CERS1: variants seen among roughly 807,000 people sequenced by gnomAD.
The protein encoded by CERS1 is Embryonic growth/differentiation factor 1.
Under a neutral mutation model 35.7 loss-of-function variants are expected in CERS1, and 16 were observed. The observed-to-expected ratio is 0.45, with a 90% CI of 0.30 to 0.68. The LOEUF (loss-of-function observed/expected upper bound fraction) is 0.68, where lower values mean the gene tolerates loss of function less well. Ranked by LOEUF, CERS1 falls within the 30% of genes least tolerant of loss-of-function variation. The probability of loss-of-function intolerance (pLI) is 0.08; values close to 1 mark genes in which losing one functional copy is unlikely to be tolerated. For synonymous variants in CERS1, 243 were observed against 201.6 expected (o/e 1.21, Z -1.74); for missense variants, 454 against 453.9 (o/e 1.00, Z 0.00).
chr19:18,880,240 C>T, intron 4 of CERS1, 34 bp downstream of exon 4: 1 of 1,521,818 alleles, frequency 6.6e-7, no homozygotes, highest in South Asian at 1.2e-5. Context: ...CCAGGCCACA[C>T]CTCCCTCCCT....
At position 18,870,276 on chromosome 19, in the gene CERS1, T is replaced by A. The variant is rs1310675843; in HGVS notation, c.*301A>T. 41 of 1,547,780 alleles carry A rather than the reference T, an allele frequency of 2.6e-5. No homozygotes were observed. Among genetic ancestry groups the A allele is most frequent in the Non-Finnish European group, 3.5e-5 (40 of 1,148,644 alleles). Reference sequence around the variant, plus strand: ...CAGGGCCAGGAGGAGGAGGAGGTGGTGGCCGCAGGGACCTTGCTGCGGCGG... The same window carrying A: ...CAGGGCCAGGAGGAGGAGGAGGTGGAGGCCGCAGGGACCTTGCTGCGGCGG... On this transcript the variant is annotated 3_prime_UTR_variant, in exon 7 of 8. Transcript: ENST00000623882. This position sits in a 1 kb window ranked among gnomAD's most constrained non-coding sequence, Gnocchi z 5.1.
chr19:18,879,047 AG>A lies in CERS1; in HGVS notation c.901-9del. On this transcript the variant is annotated splice_polypyrimidine_tract_variant and intron_variant, in intron 5 of 7. Transcript: ENST00000623882. ...TGCAAACGCCACGATGTACTGCGAGAGGGGAGGGGAGGTGCCAGTGAGAAGA... is the reference window on the plus strand; with the variant it reads ...TGCAAACGCCACGATGTACTGCGAGAGGGAGGGGAGGTGCCAGTGAGAAGA... 1 of 1,612,634 alleles carries A rather than the reference AG, an allele frequency of 6.2e-7. No homozygotes were observed. Among genetic ancestry groups the A allele is most frequent in the Non-Finnish European group, 8.5e-7 (1 of 1,179,632 alleles).
chr19:18,879,427 G>T (rs2056139134), intron 4 of CERS1, 39 bp from the exon 5 acceptor site: 4 of 1,547,804 alleles, frequency 2.6e-6, no homozygotes, highest in Middle Eastern at 1.7e-4. Context: ...GGTGGAGGGG[G>T]ACGGTGCCCT....
intron 7 of CERS1, 89 bp from the exon 8 acceptor site, chr19:18,869,479 C>T: frequency 1.5e-6 from 2 of 1,372,860 alleles, no homozygotes; most frequent in Non-Finnish European, 1.9e-6. Flanking sequence ...AAGGTGAACG[C>T]TGGGGCTCGG....
In CERS1 at chr19:18,884,127, C is replaced by G; in HGVS notation, c.550G>C (p.Val184Leu). 6.2e-7 allele frequency: 1 copy of G among 1,613,532 alleles called. No homozygotes were observed. Among genetic ancestry groups the G allele is most frequent in the East Asian group, 2.2e-5 (1 of 44,850 alleles). ...GAGACGATGAGGATGAGAGTGACCACGTGGTGGAGCAGCATGACCACCGAG... is the reference window on the plus strand; with the variant it reads ...GAGACGATGAGGATGAGAGTGACCAGGTGGTGGAGCAGCATGACCACCGAG... ...KDSVVMLLHH[V>L]VTLILIVSSY... Residue 184 changes from valine (V) to leucine (L), a missense_variant, in exon 3 of 8, where the codon GTG becomes CTG. By Grantham distance (32) the Val-to-Leu change is conservative. Coordinates refer to ENST00000623882, the MANE Select transcript of CERS1 (RefSeq NM_021267.5).
At chr19:18,889,465 G>A (rs2056441617) in intron 2 of CERS1, among the ~76,000 whole-genome samples, 1 of 152,120 alleles carries the variant, frequency 6.6e-6, no homozygotes, top group African/African-American at 2.4e-5. Flanking sequence ...CAACCTGGCT[G>A]GAATGTAGTG....
At chr19:18,894,575 AGGGGTGGG>A (rs1191308641) in intron 1 of CERS1, among the ~76,000 whole-genome samples, 1 of 151,988 alleles carries the variant, frequency 6.6e-6, no homozygotes, top group Non-Finnish European at 1.5e-5. Context: ...CCTGTCCCGC[AGGGGTGGG>A]GGACGGCTTG....
At position 18,878,606 on chromosome 19, in the gene CERS1, C is replaced by T. The variant is rs897982662; in HGVS notation, c.1010+324G>A. 1 of 1,157,968 alleles carries T rather than the reference C, an allele frequency of 8.6e-7. No homozygotes were observed. Among genetic ancestry groups the T allele is most frequent in the East Asian group, 5.7e-5 (1 of 17,654 alleles). 71.7% of individuals were successfully genotyped at this position (1,157,968 alleles called of 1,614,324 possible). A position where few individuals can be genotyped will look rare whatever the true frequency, so the allele number is the denominator to read the frequency against. On this transcript the variant is annotated intron_variant, in intron 6 of 7. Coordinates refer to ENST00000623882, the MANE Select transcript of CERS1 (RefSeq NM_021267.5). This position sits in a 1 kb window ranked among gnomAD's most constrained non-coding sequence, Gnocchi z 4.6. ...TCATCCAGGCTGGCCAGCAACTACT[C>T]CTCACCACCCACAGGGCCCTGGCTC... is the stretch of plus-strand genomic sequence containing the variant.
intron 3 of CERS1, among the ~76,000 whole-genome samples, chr19:18,881,477 C>A (rs1016577961): frequency 4.6e-5 from 7 of 152,064 alleles, no homozygotes; most frequent in Non-Finnish European, 1.0e-4. Flanking sequence ...GCCTTGGCCT[C>A]CCGAAGTGCT....
chr19:18,896,935 C>T (rs1042683567), upstream of CERS1, among the ~76,000 whole-genome samples: 2 of 141,534 alleles, frequency 1.4e-5, no homozygotes, highest in East Asian at 2.2e-4. This position sits in a 1 kb window ranked among gnomAD's most constrained non-coding sequence, Gnocchi z 5.9. Flanking sequence ...GGGGGGGGGG[C>T]TCCCCAACAT....
Position 18,875,924 on chromosome 19 carries a change from C to T in CERS1, c.1010+3006G>A, listed in dbSNP as rs74330451. Among the ~76,000 whole-genome samples the T allele has an allele frequency of 7.5e-3, 1,140 of 152,300 alleles. 14 individuals are homozygous for T. The highest frequency in any genetic ancestry group is 0.026 in the African/African-American group (1,090 of 41,570). On this transcript the variant is annotated intron_variant, in intron 6 of 7. Transcript: ENST00000623882. The stretch of plus-strand genomic sequence containing the variant: ...CGCTTAGAGTTCCCAGAGGGAGCAC[C>T]GCCCAGCTGACCTTGATTTTGAACA...
chr19:18,890,932 T>C (rs2056475384), intron 2 of CERS1, among the ~76,000 whole-genome samples: 1 of 152,176 alleles, frequency 6.6e-6, no homozygotes, highest in African/African-American at 2.4e-5. Flanking sequence ...GAGACCAGCC[T>C]GGCCAACATG....
chr19:18,878,902 C>A lies in CERS1; in HGVS notation c.1010+28G>T. ...GGACGGGTGACACTAAAGGAGGGAA[C>A]GCGGGGTGCGGGCCCCTCCACACTC... On this transcript the variant is annotated intron_variant, in intron 6 of 7. Coordinates refer to ENST00000623882, the MANE Select transcript of CERS1 (RefSeq NM_021267.5). The surrounding 1 kb of genome is among the most constrained non-coding windows in gnomAD (Gnocchi z 4.6). The A allele has an allele frequency of 6.2e-7, 1 of 1,610,440 alleles. No homozygotes were observed. Among genetic ancestry groups the A allele is most frequent in the East Asian group, 2.2e-5 (1 of 44,794 alleles).
At chr19:18,874,951 G>A (rs548490153) in intron 6 of CERS1, among the ~76,000 whole-genome samples, 9 of 152,270 alleles carry the variant, frequency 5.9e-5, no homozygotes, top group East Asian at 3.9e-4. Context: ...TTGAATTTTC[G>A]GAACCAGGCA....
rs899391416 is a variant in CERS1 at position 18,868,788 on chromosome 19, C to G, written c.*1197G>C. ...GCGTGGTTGAGCGCCGGCGGCCCCC[C>G]GGACCCCGACAGCGCGACGGGCAGC... On this transcript the variant is annotated 3_prime_UTR_variant, in exon 8 of 8. Transcript: ENST00000623882. 1 of 1,461,912 alleles carries G rather than the reference C, an allele frequency of 6.8e-7. No individual in the cohort carries two copies. The highest frequency in any genetic ancestry group is 1.5e-5 in the African/African-American group (1 of 67,020). 90.6% of individuals were successfully genotyped at this position (1,461,912 alleles called of 1,614,324 possible).
intron 6 of CERS1, among the ~76,000 whole-genome samples, chr19:18,875,844 T>A (rs2056051486): frequency 6.6e-6 from 1 of 152,092 alleles, no homozygotes; most frequent in Non-Finnish European, 1.5e-5. Context: ...AATGCAGCCA[T>A]AAAACAAGAA....
chr19:18,893,473 A>T lies in CERS1; in HGVS notation c.352T>A (p.Tyr118Asn). Reference sequence around the variant, plus strand: ...GGGTAGTCGGTGCCAAACAGCAGGTAGGCACTGTAGCTCCAGCTGCCCAGG... The same window carrying T: ...GGGTAGTCGGTGCCAAACAGCAGGTTGGCACTGTAGCTCCAGCTGCCCAGG... The part of the protein sequence containing the change: ...FYLGSWSYSA[Y>N]LLFGTDYPFF... The change falls in exon 2 of 8, where the codon TAC (tyrosine) becomes AAC (asparagine). Residue 118 changes from tyrosine (Y) to asparagine (N), a missense_variant. Transcript: ENST00000623882. 6.2e-7 allele frequency: 1 copy of T among 1,607,312 alleles called. No homozygotes were observed. Among genetic ancestry groups the T allele is most frequent in the South Asian group, 1.1e-5 (1 of 89,592 alleles).
intron 6 of CERS1, among the ~76,000 whole-genome samples, chr19:18,875,530 G>A (rs141685620): frequency 3.1e-3 from 465 of 150,080 alleles, no homozygotes; most frequent in African/African-American, 0.01. Flanking sequence ...GCGACAGAGC[G>A]AGACACTGTC....
intron 2 of CERS1, among the ~76,000 whole-genome samples, chr19:18,888,573 G>A (rs1442202882): frequency 2.8e-5 from 4 of 142,836 alleles, no homozygotes; most frequent in African/African-American, 7.9e-5. Context: ...GCTCATGCCT[G>A]TAATCCCAGC....
Sources: allele counts gnomAD v4.1 joint callset (sites outside exome capture counted in the v4.1 genomes callset), GRCh38; gene constraint gnomAD v4.1.1; non-coding constraint Gnocchi (gnomAD v3.1); transcripts MANE v1.5; gene names NCBI Gene and HGNC (gene_info 2026-07-23, HGNC 2026-07-21).